Variants in SLC4A4 observed in about 807,000 individuals in gnomAD.
SLC4A4 encodes the protein solute carrier family 4 member 4.
A neutral mutation model predicts 111.5 loss-of-function variants in SLC4A4; 27 were observed. The ratio of observed to expected loss-of-function variants is 0.24; its 90% CI spans 0.18 to 0.33. The LOEUF (loss-of-function observed/expected upper bound fraction) is 0.33. SLC4A4 is among the 10% of genes least tolerant of loss of function. The pLI is 1.00. For synonymous variants in SLC4A4, 443 were observed against 463.4 expected (o/e 0.96, Z 0.57); for missense variants, 909 against 1,315.5 (o/e 0.69, Z 4.78).
intron 16 of SLC4A4, among the ~76,000 whole-genome samples, chr4:71,530,481 A>G (rs1247677709): frequency 6.6e-6 from 1 of 152,130 alleles, no homozygotes; most frequent in African/African-American, 2.4e-5. Flanking sequence ...CTGCTGTACT[A>G]TATTATCTAC....
chr4:71,101,707 G>A (rs1742741423), intron 2 of SLC4A4, among the ~76,000 whole-genome samples: 1 of 152,126 alleles, frequency 6.6e-6, no homozygotes, highest in African/African-American at 2.4e-5. Context: ...TGCAGCTGAA[G>A]GTCCTGTCTG....
rs553605234 is a variant in SLC4A4 at position 71,408,817 on chromosome 4, C to T, written c.807+11164C>T. 2.0e-5 allele frequency among the ~76,000 whole-genome samples: 3 copies of T among 152,228 alleles called. No homozygotes were observed. In the South Asian group the frequency reaches 6.2e-4, roughly 32 times the overall value. ...CATCTAGTACTTATTATTTTCATCA[C>T]TGATGTGGTTTGGCTGTGTCCCCAC... On this transcript the variant is annotated intron_variant, in intron 7 of 25. Transcript: ENST00000264485.
chr4:71,562,264 C>T (rs1737053190), intron 23 of SLC4A4, among the ~76,000 whole-genome samples: 1 of 151,580 alleles, frequency 6.6e-6, no homozygotes, highest in African/African-American at 2.4e-5. Flanking sequence ...GCAGTGAATC[C>T]AGCTAGGCAA....
At chr4:71,120,702 T>C (rs953756778) in intron 2 of SLC4A4, among the ~76,000 whole-genome samples, 2 of 152,200 alleles carry the variant, frequency 1.3e-5, no homozygotes, top group Admixed American at 6.5e-5. Flanking sequence ...ACCCCATCTC[T>C]AATAAAAATA....
chr4:71,266,195 G>A (rs559766070), intron 3 of SLC4A4, among the ~76,000 whole-genome samples: 14 of 152,258 alleles, frequency 9.2e-5, no homozygotes, highest in African/African-American at 3.4e-4. Context: ...AAGACAGCTG[G>A]GTCTAGGGGA....
Position 71,350,048 on chromosome 4 carries a change from G to C in SLC4A4, c.526G>C (p.Ala176Pro), listed in dbSNP as rs768376775. The C allele has an allele frequency of 6.2e-7, 1 of 1,613,958 alleles. No individual in the cohort carries two copies. The highest frequency in any genetic ancestry group is 8.5e-7 in the Non-Finnish European group (1 of 1,179,992). Residue 176 changes from alanine to proline, a missense_variant, in exon 5 of 26, where the codon GCT becomes CCT. By Grantham distance (27) the Ala-to-Pro change is conservative. Around this residue, in one of 7 missense-constraint regions of SLC4A4, gnomAD observed 312 missense variants for 402.0 expected, o/e 0.78. Transcript: ENST00000264485. ...AGGATCCATCATGCTTGATCGGGAG[G>C]CTTCTTCTCTCCCACAGTTGGTGGG... ...EKGSIMLDRE[A>P]SSLPQLVEMI...
intron 3 of SLC4A4, among the ~76,000 whole-genome samples, chr4:71,263,469 A>G (rs1722016895): frequency 6.6e-6 from 1 of 152,220 alleles, no homozygotes; most frequent in African/African-American, 2.4e-5. Flanking sequence ...ATGTTCTGCA[A>G]TAGCATATTT....
chr4:71,073,175 C>T (rs986963010), intron 1 of SLC4A4, among the ~76,000 whole-genome samples: 1 of 151,902 alleles, frequency 6.6e-6, no homozygotes, highest in Non-Finnish European at 1.5e-5. Flanking sequence ...CTTTTAATTG[C>T]AATTTTTTTC....
chr4:71,332,301 C>T (rs542738870), intron 3 of SLC4A4, among the ~76,000 whole-genome samples: 43 of 152,044 alleles, frequency 2.8e-4, no homozygotes, highest in African/African-American at 1.0e-3. Context: ...TTTAAATTAT[C>T]GCTTTGAATA....
intron 2 of SLC4A4, among the ~76,000 whole-genome samples, chr4:71,123,001 C>T (rs1743475843): frequency 6.6e-6 from 1 of 152,018 alleles, no homozygotes. Flanking sequence ...GCCTGTAAAA[C>T]AAGAACAAGA....
chr4:71,089,330 C>G (rs1742302941), intron 1 of SLC4A4, among the ~76,000 whole-genome samples: 1 of 151,912 alleles, frequency 6.6e-6, no homozygotes, highest in African/African-American at 2.4e-5. Flanking sequence ...AACTTCTTTG[C>G]CATGGGTTCG....
chr4:71,374,761 G>A (rs542904888), intron 6 of SLC4A4, among the ~76,000 whole-genome samples: 1 of 151,950 alleles, frequency 6.6e-6, no homozygotes, highest in Non-Finnish European at 1.5e-5. Flanking sequence ...AAAAACGTTG[G>A]CAGTCTGCTA....
At chr4:71,283,659 A>G (rs1301594012) in intron 3 of SLC4A4, among the ~76,000 whole-genome samples, 2 of 152,194 alleles carry the variant, frequency 1.3e-5, no homozygotes, top group African/African-American at 4.8e-5. Context: ...CTAGATCATC[A>G]GATTGTATCC....
intron 3 of SLC4A4, among the ~76,000 whole-genome samples, chr4:71,275,723 C>T (rs367952716): frequency 2.0e-5 from 3 of 152,236 alleles, no homozygotes; most frequent in African/African-American, 4.8e-5. Context: ...CTTAGGCCTT[C>T]GGCCCTCAAG....
At chr4:71,361,751 G>A (rs1470305400) in intron 6 of SLC4A4, among the ~76,000 whole-genome samples, 1 of 152,132 alleles carries the variant, frequency 6.6e-6, no homozygotes, top group African/African-American at 2.4e-5. Context: ...ATTATTTAGT[G>A]TATTATGAAA....
At chr4:71,417,674 A>G (rs1165976277) in intron 7 of SLC4A4, among the ~76,000 whole-genome samples, 1 of 152,152 alleles carries the variant, frequency 6.6e-6, no homozygotes, top group African/African-American at 2.4e-5. Flanking sequence ...ATGCAGTTAA[A>G]TACTATTAAA....
chr4:71,563,039 A>C (rs139830031), intron 23 of SLC4A4, among the ~76,000 whole-genome samples: 270 of 151,910 alleles, frequency 1.8e-3, no homozygotes, highest in African/African-American at 5.6e-3. Context: ...ATTTAAAAAA[A>C]ACAAAGTGGT....
chr4:71,165,198 A>G (rs893021522), intron 2 of SLC4A4, among the ~76,000 whole-genome samples: 3 of 152,234 alleles, frequency 2.0e-5, no homozygotes, highest in Admixed American at 2.0e-4. Context: ...CAATCCCATT[A>G]CTGGGTATAT....
chr4:71,378,355 C>T (rs1440969583), intron 6 of SLC4A4, among the ~76,000 whole-genome samples: 1 of 152,120 alleles, frequency 6.6e-6, no homozygotes, highest in Non-Finnish European at 1.5e-5. Flanking sequence ...TATGGAAGGC[C>T]ACTGTGCAGA....
Sources: gnomAD v4.1 joint callset for allele counts (sites outside exome capture counted in the v4.1 genomes callset) on GRCh38, gnomAD v4.1.1 for gene constraint, gnomAD v4.1.1 regional missense constraint, MANE v1.5 for transcripts, NCBI Gene and HGNC (gene_info 2026-07-23, HGNC 2026-07-21) for gene names.